The following GNAT3 variants were observed in gnomAD, a reference collection of about 807,000 sequenced individuals.
GNAT3 encodes the protein G protein subunit alpha transducin 3.
Under a neutral mutation model 37.7 loss-of-function variants are expected in GNAT3, and 31 were observed. The ratio of observed to expected loss-of-function variants is 0.82; its 90% CI spans 0.62 to 1.11. The LOEUF is 1.11. GNAT3 is among the 50% of genes most tolerant of loss of function. The pLI is 0.00. For synonymous variants in GNAT3, 138 were observed against 139.8 expected, an observed-to-expected ratio of 0.99 and a Z score of 0.09; for missense variants, 437 against 412.5, an observed-to-expected ratio of 1.06 and a Z score of -0.51.
rs1335801994 is a variant in GNAT3 at position 80,462,251 on chromosome 7, G to T, written c.782C>A (p.Thr261Lys). The change falls in exon 7 of 8, where the codon ACA becomes AAA. Residue 261 changes from threonine (T) to lysine (K), a missense_variant. Physicochemically the swap from Thr to Lys is moderately conservative, Grantham distance 78 (BLOSUM62 -1). Coordinates refer to ENST00000398291, the MANE Select transcript of GNAT3 (RefSeq NM_001102386.3). ...NSICNHKYFS[T>K]TSIVLFLNKK... The stretch of plus-strand genomic sequence containing the variant: ...GTTGAGGAACAGGACAATGGAGGTT[G>T]TTGAAAAATACTTGTGATTACAGAT... The T allele has an allele frequency of 6.2e-7, 1 of 1,611,868 alleles. No individual in the cohort carries two copies. Among genetic ancestry groups the T allele is most frequent in the South Asian group, 1.1e-5 (1 of 90,890 alleles).
intron 1 of GNAT3, 93 bp downstream of exon 1, chr7:80,511,716 A>G: frequency 1.4e-6 from 1 of 722,260 alleles, no homozygotes; most frequent in Admixed American, 2.4e-5. Flanking sequence ...TTCCCATATG[A>G]TAATACACTC....
chr7:80,474,837 T>A (rs1276908617), intron 4 of GNAT3, among the ~76,000 whole-genome samples: 1 of 152,172 alleles, frequency 6.6e-6, no homozygotes, highest in African/African-American at 2.4e-5. Flanking sequence ...AGTGGCTAGA[T>A]TATCCTCGAA....
intron 1 of GNAT3, among the ~76,000 whole-genome samples, chr7:80,496,454 G>A (rs1790718754): frequency 6.6e-6 from 1 of 151,972 alleles, no homozygotes; most frequent in Non-Finnish European, 1.5e-5. Flanking sequence ...TTTCTAATTC[G>A]ACTCTCACCC....
At position 80,462,582 on chromosome 7, in the gene GNAT3, A is replaced by G. The variant is rs1453225997; in HGVS notation, c.640T>C (p.Cys214Arg). Residue 214 changes from cysteine to arginine, a missense_variant, in exon 6 of 8, where the codon TGC becomes CGC. Transcript: ENST00000398291. ...QRSERKKWIHCFEGVTCIIFC... is the reference protein window; with the variant it reads ...QRSERKKWIHRFEGVTCIIFC... ...ATAATGCATGTAACTCCTTCAAAGC[A>G]GTGAATCCACTTCTTTCTCTCAGAT... The G allele has an allele frequency of 1.9e-6, 3 of 1,612,760 alleles. No homozygotes were observed. The highest frequency in any genetic ancestry group is 2.5e-6 in the Non-Finnish European group (3 of 1,178,870).
intron 5 of GNAT3, among the ~76,000 whole-genome samples, chr7:80,469,899 A>G (rs1230812277): frequency 6.6e-6 from 1 of 152,232 alleles, no homozygotes; most frequent in East Asian, 1.9e-4. Context: ...AAGGATTAAT[A>G]TATCTTAATT....
chr7:80,467,313 T>A (rs930331563), intron 5 of GNAT3, among the ~76,000 whole-genome samples: 1 of 152,154 alleles, frequency 6.6e-6, no homozygotes, highest in Non-Finnish European at 1.5e-5. Context: ...ATGACTCATT[T>A]GATAAACAAT....
intron 2 of GNAT3, among the ~76,000 whole-genome samples, chr7:80,493,440 G>C (rs6467215): frequency 0.83 from 126,156 of 152,158 alleles, 52,899 homozygotes; most frequent in African/African-American, 0.88. Context: ...ACTTACATGA[G>C]ATTATCACAT....
chr7:80,459,850 G>A (rs954494575), intron 7 of GNAT3, among the ~76,000 whole-genome samples: 1 of 152,138 alleles, frequency 6.6e-6, no homozygotes, highest in African/African-American at 2.4e-5. Context: ...CCAAATTCTG[G>A]TAAGTGCATG....
intron 1 of GNAT3, among the ~76,000 whole-genome samples, chr7:80,506,483 G>C (rs1433207176): frequency 6.6e-6 from 1 of 152,156 alleles, no homozygotes. Context: ...GAAACTATTT[G>C]ATGCTGCCAT....
chr7:80,459,475 A>T (rs1174740020), intron 7 of GNAT3, among the ~76,000 whole-genome samples: 1 of 152,184 alleles, frequency 6.6e-6, no homozygotes, highest in Non-Finnish European at 1.5e-5. Context: ...AAAACAAAGG[A>T]GTTAGGATGC....
chr7:80,469,309 TC>T (rs1337236211), intron 5 of GNAT3, among the ~76,000 whole-genome samples: 1 of 152,170 alleles, frequency 6.6e-6, no homozygotes, highest in Non-Finnish European at 1.5e-5. Context: ...TCCTTTCAAT[TC>T]TGTTTTTCCA....
At chr7:80,497,334 T>C (rs79978072) in intron 1 of GNAT3, among the ~76,000 whole-genome samples, 7,513 of 152,102 alleles carry the variant, frequency 0.049, 211 homozygotes, top group East Asian at 0.1. Context: ...CTTTGCACAA[T>C]AGTCTGGTTT....
At chr7:80,469,426 G>A (rs984413739) in intron 5 of GNAT3, among the ~76,000 whole-genome samples, 3 of 152,036 alleles carry the variant, frequency 2.0e-5, no homozygotes, top group African/African-American at 4.8e-5. Context: ...GTAACAATAG[G>A]AGGGCTCACA....
intron 3 of GNAT3, among the ~76,000 whole-genome samples, chr7:80,484,560 C>T (rs912454183): frequency 6.6e-6 from 1 of 152,022 alleles, no homozygotes; most frequent in African/African-American, 2.4e-5. Context: ...CAATTTTCAG[C>T]ATTCTTTTAT....
At chr7:80,501,353 GT>G (rs1459098714) in intron 1 of GNAT3, among the ~76,000 whole-genome samples, 2 of 151,774 alleles carry the variant, frequency 1.3e-5, no homozygotes, top group Non-Finnish European at 2.9e-5. Flanking sequence ...TATGAACATA[GT>G]TTTATGTTTT....
chr7:80,505,043 C>T (rs1320866970), intron 1 of GNAT3, among the ~76,000 whole-genome samples: 1 of 152,142 alleles, frequency 6.6e-6, no homozygotes, highest in East Asian at 1.9e-4. Context: ...TAAGAATTTA[C>T]AGAGGGATCA....
chr7:80,469,071 G>C (rs909914931), intron 5 of GNAT3, among the ~76,000 whole-genome samples: 1 of 152,042 alleles, frequency 6.6e-6, no homozygotes, highest in African/African-American at 2.4e-5. Flanking sequence ...TTGAAATGTA[G>C]CTGCTGGATG....
At chr7:80,461,314 A>G (rs140292555) in intron 7 of GNAT3, among the ~76,000 whole-genome samples, 2,462 of 152,148 alleles carry the variant, frequency 0.016, 63 homozygotes, top group African/African-American at 0.056. Flanking sequence ...TTGGGACGCC[A>G]AGGTGGACAG....
chr7:80,511,999 A>G lies in GNAT3; in HGVS notation c.-73T>C, dbSNP rs1025967774. 3.0e-6 allele frequency: 3 copies of G among 1,010,332 alleles called. No homozygotes were observed. The highest frequency in any genetic ancestry group is 4.6e-6 in the Non-Finnish European group (3 of 659,296). The allele number at this position is 1,010,332 out of a possible 1,614,324, so 62.6% of individuals were successfully genotyped here. ...TGTTGAGCACAGCTGTGGTTTGGAC[A>G]TAGGAGGCAAGAGTAATGCTCTGCT... On this transcript the variant is annotated 5_prime_UTR_variant, in exon 1 of 8. The change abolishes an upstream ATG in the 5' untranslated region. Coordinates refer to ENST00000398291, the MANE Select transcript of GNAT3 (RefSeq NM_001102386.3).
Sources: gnomAD v4.1 joint callset for allele counts (sites outside exome capture counted in the v4.1 genomes callset) on GRCh38, gnomAD v4.1.1 for gene constraint, MANE v1.5 for transcripts, NCBI Gene and HGNC (gene_info 2026-07-23, HGNC 2026-07-21) for gene names.